TRIML1: variants seen among roughly 807,000 people sequenced by gnomAD.
TRIML1 encodes the protein tripartite motif family like 1, also known as probable E3 ubiquitin-protein ligase TRIML1.
A neutral mutation model predicts 32.3 loss-of-function variants in TRIML1; 34 were observed. The ratio of observed to expected loss-of-function variants is 1.05; its 90% confidence interval spans 0.80 to 1.40. The LOEUF is 1.40. Ranked by LOEUF, TRIML1 falls within the 40% of genes most tolerant of loss-of-function variation. The pLI is 0.00. For missense variants in TRIML1, 595 were observed against 574.9 expected (o/e 1.03, Z -0.36); for synonymous variants, 244 against 226.6 (o/e 1.08, Z -0.69).
intron 3 of TRIML1, chr4:188,143,494 C>G: frequency 3.0e-6 from 1 of 337,060 alleles, no homozygotes; most frequent in Non-Finnish European, 5.7e-6. Context: ...TGGTTAGCCT[C>G]AGTTCTCACC....
At chr4:188,143,557 G>A (rs1734943252) in intron 3 of TRIML1, 1 of 462,306 alleles carries the variant, frequency 2.2e-6, no homozygotes. Context: ...GAGACTAACA[G>A]GTTGGCTTGT....
Position 188,146,963 on chromosome 4 carries a change from C to T in TRIML1, c.998C>T (p.Thr333Ile), listed in dbSNP as rs200776134. Residue 333 changes from threonine (T) to isoleucine (I), a missense_variant, in exon 6 of 6, where the codon ACT (threonine) becomes ATT (isoleucine). Physicochemically the swap from Thr to Ile is moderately conservative, Grantham distance 89. Coordinates refer to ENST00000332517, the MANE Select transcript of TRIML1 (RefSeq NM_178556.5). ...RFDQSATVLG[T>I]QIFTSGRHYW... ...GACCAGTCTGCGACTGTGCTGGGTA[C>T]TCAGATCTTCACCAGTGGGAGACAC... 155 of 1,554,264 alleles carry T rather than the reference C, an allele frequency of 1.0e-4. No homozygotes were observed. The highest frequency in any genetic ancestry group is 1.3e-4 in the Non-Finnish European group (150 of 1,151,156).
intron 3 of TRIML1, chr4:188,143,458 C>T (rs1734940005): frequency 7.4e-6 from 2 of 271,138 alleles, no homozygotes; most frequent in South Asian, 4.2e-5. Flanking sequence ...GCCTTCCAAA[C>T]ACACCACCCC....
At chr4:188,145,888 A>C (rs910237674) in intron 5 of TRIML1, among the ~76,000 whole-genome samples, 1 of 152,124 alleles carries the variant, frequency 6.6e-6, no homozygotes, top group Non-Finnish European at 1.5e-5. Context: ...GCTTCATCAC[A>C]TGGTCCCTGG....
chr4:188,144,739 T>G (rs1418462133), intron 5 of TRIML1, among the ~76,000 whole-genome samples: 2 of 152,070 alleles, frequency 1.3e-5, no homozygotes, highest in Non-Finnish European at 2.9e-5. Flanking sequence ...GCCCCCCTCA[T>G]GCAGGGGCGT....
chr4:188,142,666 A>G (rs1432808931), intron 3 of TRIML1, among the ~76,000 whole-genome samples, 184 bp downstream of exon 3: 1 of 151,768 alleles, frequency 6.6e-6, no homozygotes, highest in East Asian at 1.9e-4. Flanking sequence ...GAGAGAAAAA[A>G]AAAAACACAT....
intron 1 of TRIML1, 144 bp downstream of exon 1, chr4:188,140,110 A>G: frequency 1.2e-6 from 1 of 861,844 alleles, no homozygotes; most frequent in South Asian, 2.0e-5. Flanking sequence ...GGTCCAGTTT[A>G]CACCCTTTTT....
downstream of TRIML1, among the ~76,000 whole-genome samples, chr4:188,149,605 G>A (rs891752374): frequency 2.0e-5 from 3 of 152,094 alleles, no homozygotes; most frequent in African/African-American, 4.8e-5. Flanking sequence ...GAAGGCAGGG[G>A]AGCAAAGAAG....
intron 3 of TRIML1, among the ~76,000 whole-genome samples, chr4:188,142,763 T>A (rs1272767785): frequency 3.3e-5 from 5 of 151,636 alleles, no homozygotes; most frequent in East Asian, 1.9e-4. Flanking sequence ...TTTGTTAATT[T>A]TTTTTTCTAG....
At chr4:188,148,472 C>T (rs1735164597), downstream of TRIML1, among the ~76,000 whole-genome samples, 1 of 151,650 alleles carries the variant, frequency 6.6e-6, no homozygotes, top group Admixed American at 6.6e-5. Flanking sequence ...CCACCCTGGG[C>T]AACAAGAGTG....
upstream of TRIML1, among the ~76,000 whole-genome samples, chr4:188,138,219 CA>C (rs1734721180): frequency 1.3e-5 from 2 of 152,066 alleles, no homozygotes. Context: ...AAAACATTCT[CA>C]GCCAGAAAAC....
In TRIML1 at chr4:188,147,377, C is replaced by T. The variant is rs763041643; in HGVS notation, c.*5C>T. 16 of 1,477,556 alleles carry T rather than the reference C, an allele frequency of 1.1e-5. No individual in the cohort carries two copies. Among genetic ancestry groups the T allele is most frequent in the Admixed American group, 4.8e-5 (2 of 41,342 alleles). The allele number at this position is 1,477,556 out of a possible 1,614,324, so 91.5% of individuals were successfully genotyped here. A position where few individuals can be genotyped will look rare whatever the true frequency, so the allele number is the denominator to read the frequency against. On this transcript the variant is annotated 3_prime_UTR_variant, in exon 6 of 6. Transcript: ENST00000332517. ...TCACTGAACAGCCACGTCTGAGGGGCGTGCCCTGAGCCGTCACAGCGGGCG... is the reference window on the plus strand; with the variant it reads ...TCACTGAACAGCCACGTCTGAGGGGTGTGCCCTGAGCCGTCACAGCGGGCG...
In TRIML1 at chr4:188,140,062, C is replaced by T. The variant is rs757714293; in HGVS notation, c.408+96C>T. 20 of 1,329,442 alleles carry T rather than the reference C, an allele frequency of 1.5e-5. 1 individual carries two copies. The highest frequency in any genetic ancestry group is 2.4e-5 in the East Asian group (1 of 41,498). The allele number at this position is 1,329,442 out of a possible 1,614,324, so 82.4% of individuals were successfully genotyped here. On this transcript the variant is annotated intron_variant, in intron 1 of 5. Transcript: ENST00000332517. The stretch of plus-strand genomic sequence containing the variant: ...TAACGTCCTCTGTGGGGGACAGTCA[C>T]GAGGGCCCATCTGAGCACCACATCA...
upstream of TRIML1, chr4:188,139,287 C>G: frequency 2.9e-6 from 1 of 340,614 alleles, no homozygotes; most frequent in South Asian, 9.0e-5. Flanking sequence ...TCCTCAGCCT[C>G]TAGCATGTGT....
intron 5 of TRIML1, among the ~76,000 whole-genome samples, chr4:188,144,499 ACTACAGGCG>A (rs1560972931): frequency 7.0e-6 from 1 of 143,828 alleles, no homozygotes; most frequent in Non-Finnish European, 1.5e-5. Context: ...AGTAGCTGGG[ACTACAGGCG>A]CCCGCCACCA....
At chr4:188,140,062 C>A (rs757714293) in intron 1 of TRIML1, 96 bp downstream of exon 1, 285 of 1,329,430 alleles carry the variant, frequency 2.1e-4, no homozygotes, top group Admixed American at 4.0e-4. Context: ...GGGACAGTCA[C>A]GAGGGCCCAT....
At chr4:188,142,061 G>A (rs548804887) in intron 2 of TRIML1, among the ~76,000 whole-genome samples, 191 bp from the exon 3 acceptor site, 3 of 148,842 alleles carry the variant, frequency 2.0e-5, no homozygotes, top group Non-Finnish European at 3.0e-5. Flanking sequence ...AGGTTGCAGT[G>A]AGCCGAGATT....
intron 3 of TRIML1, 172 bp from the exon 4 acceptor site, chr4:188,143,666 C>A (rs1238805070): frequency 1.3e-6 from 1 of 750,434 alleles, no homozygotes. Context: ...TTCACCACAG[C>A]ACATCCCTGG....
In TRIML1 at chr4:188,139,579, G is replaced by GGC; in HGVS notation, c.22_23insCG (p.Glu8AlafsTer14). ...AGAAAATGTCTACAGCAGATCTGATGGAGAACCTCAGGGAGGAACTCACCT... is the reference window on the plus strand; with the variant it reads ...AGAAAATGTCTACAGCAGATCTGATGGCGAGAACCTCAGGGAGGAACTCACCT... On this transcript the variant is annotated frameshift_variant, in exon 1 of 6. Transcript: ENST00000332517. LOFTEE classifies it high-confidence loss of function. 1 of 1,594,768 alleles carries GGC rather than the reference G, an allele frequency of 6.3e-7. No individual in the cohort carries two copies. Among genetic ancestry groups the GGC allele is most frequent in the East Asian group, 2.2e-5 (1 of 44,500 alleles).
Sources: allele counts gnomAD v4.1 joint callset (sites outside exome capture counted in the v4.1 genomes callset), GRCh38; gene constraint gnomAD v4.1.1; transcripts MANE v1.5; gene names NCBI Gene and HGNC (gene_info 2026-07-23, HGNC 2026-07-21).